LRP6: variants seen among roughly 807,000 people sequenced by gnomAD.
LRP6 encodes the protein LDL receptor related protein 6, also known as low-density lipoprotein receptor-related protein 6.
In LRP6, 43 loss-of-function variants were observed where a neutral mutation model predicts 184.1. The observed-to-expected ratio is 0.23, with a 90% confidence interval of 0.18 to 0.30. The LOEUF is 0.30. Among genes scored for constraint, LRP6 ranks in the 10% least tolerant of loss-of-function variants. The pLI is 1.00. For missense variants in LRP6, 1,571 were observed against 2,005.3 expected (o/e 0.78, Z 4.14); for synonymous variants, 719 against 684.9 (o/e 1.05, Z -0.78).
At chr12:12,183,881 C>T (rs966862351) in intron 5 of LRP6, 99 bp downstream of exon 5, 2 of 1,096,526 alleles carry the variant, frequency 1.8e-6, no homozygotes, top group African/African-American at 3.1e-5. Flanking sequence ...TGACTGGTCT[C>T]CCAAAGCAGT....
Position 12,124,594 on chromosome 12 carries a change from T to A in LRP6, c.4518A>T (p.Ser1506=), listed in dbSNP as rs1263515220. 1.2e-6 allele frequency: 2 copies of A among 1,613,526 alleles called. No individual in the cohort carries two copies. The highest frequency in any genetic ancestry group is 4.5e-5 in the East Asian group (2 of 44,894). The change falls in exon 22 of 23, where the codon TCA becomes TCT. Residue 1506 remains serine (S), a synonymous_variant. Coordinates refer to ENST00000261349, the MANE Select transcript of LRP6 (RefSeq NM_002336.3). ...ATGACCTATGAGTGGAAGGACTGTT[T>A]GAAGAATATCCAAATTCCATAGTGT... The part of the protein sequence containing the change: ...SHYTMEFGYS[S]NSPSTHRSYS...
chr12:12,191,238 T>C (rs1408358747), intron 3 of LRP6, among the ~76,000 whole-genome samples: 2 of 152,166 alleles, frequency 1.3e-5, no homozygotes, highest in Non-Finnish European at 2.9e-5. Flanking sequence ...AAATTGTCCT[T>C]CCCGGGCTCC....
At chr12:12,256,219 A>G (rs2135938267) in intron 1 of LRP6, among the ~76,000 whole-genome samples, 1 of 152,296 alleles carries the variant, frequency 6.6e-6, no homozygotes, top group East Asian at 1.9e-4. Context: ...AACACGAGAT[A>G]CTGGTAAACT....
At chr12:12,192,972 C>T (rs1017087167) in intron 3 of LRP6, among the ~76,000 whole-genome samples, 1 of 151,930 alleles carries the variant, frequency 6.6e-6, no homozygotes, top group African/African-American at 2.4e-5. Context: ...ACACCACATG[C>T]TAGGAGACAG....
At chr12:12,137,702 T>C (rs1949863054) in intron 16 of LRP6, among the ~76,000 whole-genome samples, 1 of 152,144 alleles carries the variant, frequency 6.6e-6, no homozygotes, top group Non-Finnish European at 1.5e-5. Flanking sequence ...TTATCAGTAT[T>C]CCCAAAGGAA....
rs1470282702 is a variant in LRP6 at position 12,266,921 on chromosome 12, G to A, written c.-186C>T. 3.2e-6 allele frequency: 2 copies of A among 621,342 alleles called. No individual in the cohort carries two copies. Among genetic ancestry groups the A allele is most frequent in the African/African-American group, 1.9e-5 (1 of 52,872 alleles). 38.5% of individuals were successfully genotyped at this position (621,342 alleles called of 1,614,324 possible). ...CCGCCGCCGCCCTCTCTACCGCGCCGCTCGGCCCCGGGCTCGCGCGACGCC... is the reference window on the plus strand; with the variant it reads ...CCGCCGCCGCCCTCTCTACCGCGCCACTCGGCCCCGGGCTCGCGCGACGCC... On this transcript the variant is annotated 5_prime_UTR_variant, in exon 1 of 23. Transcript: ENST00000261349.
At chr12:12,227,278 G>C (rs1255561236) in intron 2 of LRP6, among the ~76,000 whole-genome samples, 1 of 152,082 alleles carries the variant, frequency 6.6e-6, no homozygotes, top group African/African-American at 2.4e-5. Flanking sequence ...CAGTAGACCT[G>C]CGTTTTAAGA....
chr12:12,184,371 T>A (rs1462956176), intron 4 of LRP6, among the ~76,000 whole-genome samples: 3 of 95,272 alleles, frequency 3.1e-5, no homozygotes, highest in African/African-American at 8.9e-5. Context: ...TAAACAAAAT[T>A]AACAAAAAGC....
intron 12 of LRP6, among the ~76,000 whole-genome samples, chr12:12,158,138 T>C (rs1433564796): frequency 1.3e-5 from 2 of 152,226 alleles, no homozygotes; most frequent in Non-Finnish European, 2.9e-5. Context: ...GTTTTCTGTA[T>C]GGCCTGTTAA....
intron 1 of LRP6, among the ~76,000 whole-genome samples, chr12:12,248,826 C>G (rs953459704): frequency 6.6e-6 from 1 of 152,146 alleles, no homozygotes; most frequent in African/African-American, 2.4e-5. Context: ...ATGCTGTTGA[C>G]TATATCCCTA....
chr12:12,147,993 T>G (rs1950033317), intron 14 of LRP6, among the ~76,000 whole-genome samples: 1 of 147,402 alleles, frequency 6.8e-6, no homozygotes, highest in Non-Finnish European at 1.5e-5. Context: ...TATATATATA[T>G]CCTCTTTTAT....
intron 1 of LRP6, among the ~76,000 whole-genome samples, chr12:12,250,889 T>C (rs960767418): frequency 6.6e-6 from 1 of 151,810 alleles, no homozygotes; most frequent in Non-Finnish European, 1.5e-5. Flanking sequence ...CCCAATGTGC[T>C]GGGGTAACAG....
chr12:12,120,957 C>T lies in LRP6; in HGVS notation c.*169G>A, dbSNP rs1949596347. 3.9e-6 allele frequency: 2 copies of T among 513,138 alleles called. No individual in the cohort carries two copies. Among genetic ancestry groups the T allele is most frequent in the East Asian group, 6.2e-5 (2 of 32,134 alleles). 31.8% of individuals were successfully genotyped at this position (513,138 alleles called of 1,614,324 possible). A position where few individuals can be genotyped will look rare whatever the true frequency, so the allele number is the denominator to read the frequency against. On this transcript the variant is annotated 3_prime_UTR_variant, in exon 23 of 23. Coordinates refer to ENST00000261349, the MANE Select transcript of LRP6 (RefSeq NM_002336.3). ...CTGTTTTAAGAAAATATATAAATATCCTTTTCTTCTGTACAAATATCTCCA... is the reference window on the plus strand; with the variant it reads ...CTGTTTTAAGAAAATATATAAATATTCTTTTCTTCTGTACAAATATCTCCA...
intron 2 of LRP6, among the ~76,000 whole-genome samples, chr12:12,213,401 G>A (rs964570230): frequency 5.9e-5 from 9 of 151,752 alleles, no homozygotes; most frequent in African/African-American, 1.9e-4. Context: ...AGCTATTGGG[G>A]ATTAAACATT....
At position 12,253,305 on chromosome 12, in the gene LRP6, A is replaced by C. The variant is rs190119572; in HGVS notation, c.56-8650T>G. On this transcript the variant is annotated intron_variant, in intron 1 of 22. Coordinates refer to ENST00000261349, the MANE Select transcript of LRP6 (RefSeq NM_002336.3). Reference sequence around the variant, plus strand: ...ATAAAGTTAATCATTACGCTTATAGATATGCTTTTGTCTAACACTTTTTTG... The same window carrying C: ...ATAAAGTTAATCATTACGCTTATAGCTATGCTTTTGTCTAACACTTTTTTG... Among the ~76,000 whole-genome samples, 553 of 152,234 alleles carry C rather than the reference A, an allele frequency of 3.6e-3. 1 individual carries two copies. Among genetic ancestry groups the C allele is most frequent in the Non-Finnish European group, 5.6e-3 (383 of 68,004 alleles).
chr12:12,238,179 G>A (rs1349707287), intron 2 of LRP6, among the ~76,000 whole-genome samples: 1 of 150,554 alleles, frequency 6.6e-6, no homozygotes, highest in African/African-American at 2.4e-5. Context: ...GCAAAGTTAG[G>A]CACAGCTGAA....
At chr12:12,262,960 T>A (rs1227231804) in intron 1 of LRP6, among the ~76,000 whole-genome samples, 3 of 152,046 alleles carry the variant, frequency 2.0e-5, no homozygotes, top group African/African-American at 7.2e-5. Flanking sequence ...CTTTTAAGAA[T>A]GTGTGAATCT....
rs188678418 is a variant in LRP6 at position 12,124,245 on chromosome 12, G to C, written c.4547+320C>G. On this transcript the variant is annotated intron_variant, in intron 22 of 22. Transcript: ENST00000261349. Reference sequence around the variant, plus strand: ...AAAATTAGCTGGGCGTGGTAGCGCAGGTCTGTAATCCCAGCTATTTGAGAG... The same window carrying C: ...AAAATTAGCTGGGCGTGGTAGCGCACGTCTGTAATCCCAGCTATTTGAGAG... Among the ~76,000 whole-genome samples the C allele has an allele frequency of 2.2e-3, 342 of 152,208 alleles. 1 individual carries two copies. The highest frequency in any genetic ancestry group is 8.1e-3 in the African/African-American group (336 of 41,544).
chr12:12,194,049 C>T (rs1457399955), intron 3 of LRP6, among the ~76,000 whole-genome samples: 1 of 151,896 alleles, frequency 6.6e-6, no homozygotes. Context: ...AACTGAAAAC[C>T]AATTACTGAA....
Sources: gnomAD v4.1 joint callset for allele counts (sites outside exome capture counted in the v4.1 genomes callset) on GRCh38, gnomAD v4.1.1 for gene constraint, MANE v1.5 for transcripts, NCBI Gene and HGNC (gene_info 2026-07-23, HGNC 2026-07-21) for gene names.